Variants in CNOT4 observed in about 807,000 individuals in gnomAD.
The protein encoded by CNOT4 is CCR4-associated factor 4.
CNOT4 carries 8 observed loss-of-function variants against 73.8 expected under a neutral mutation model. That is an observed-to-expected ratio of 0.11 (90% CI 0.06 to 0.20). The LOEUF (loss-of-function observed/expected upper bound fraction) is 0.20, where lower values mean the gene tolerates loss of function less well. Among genes scored for constraint, CNOT4 ranks in the 10% least tolerant of loss-of-function variants. CNOT4 has a pLI of 1.00. For missense variants in CNOT4, 564 were observed against 883.4 expected, an observed-to-expected ratio of 0.64 and a Z score of 4.58; for synonymous variants, 293 against 321.1, an observed-to-expected ratio of 0.91 and a Z score of 0.94.
At chr7:135,387,096 T>TA (rs1796158500) in intron 10 of CNOT4, 1 of 984,312 alleles carries the variant, frequency 1.0e-6, no homozygotes, top group Admixed American at 6.2e-5. Context: ...CCTCTTACAG[T>TA]AAAAATGAAA....
At chr7:135,454,386 A>G (rs1478067821) in intron 1 of CNOT4, among the ~76,000 whole-genome samples, 1 of 151,344 alleles carries the variant, frequency 6.6e-6, no homozygotes, top group Non-Finnish European at 1.5e-5. Flanking sequence ...GGGCACAGCA[A>G]CTCATTCCTG....
At chr7:135,448,104 A>G (rs1393594609) in intron 1 of CNOT4, among the ~76,000 whole-genome samples, 1 of 152,234 alleles carries the variant, frequency 6.6e-6, no homozygotes, top group Non-Finnish European at 1.5e-5. Flanking sequence ...AATCACTGAA[A>G]CAGGGCAACA....
At chr7:135,443,919 C>G (rs769691187) in intron 1 of CNOT4, among the ~76,000 whole-genome samples, 1 of 152,006 alleles carries the variant, frequency 6.6e-6, no homozygotes, top group Non-Finnish European at 1.5e-5. Flanking sequence ...GAGGCTGAGG[C>G]AGGCAAATCG....
intron 1 of CNOT4, among the ~76,000 whole-genome samples, chr7:135,476,337 C>T (rs917842784): frequency 7.2e-5 from 11 of 152,132 alleles, no homozygotes; most frequent in African/African-American, 2.4e-4. Context: ...CACTGCCTTC[C>T]TATCATTATA....
intron 10 of CNOT4, among the ~76,000 whole-genome samples, chr7:135,372,392 G>C (rs552512116): frequency 6.6e-6 from 1 of 152,240 alleles, no homozygotes; most frequent in South Asian, 2.1e-4. Context: ...ACAGTGTATT[G>C]CAATCATTTG....
At chr7:135,442,650 T>G (rs1799556909) in intron 1 of CNOT4, among the ~76,000 whole-genome samples, 1 of 152,046 alleles carries the variant, frequency 6.6e-6, no homozygotes, top group South Asian at 2.1e-4. Context: ...AATAATAAGA[T>G]TTAAAATGTT....
intron 1 of CNOT4, among the ~76,000 whole-genome samples, chr7:135,467,981 C>T (rs1224034219): frequency 4.6e-5 from 7 of 151,880 alleles, no homozygotes; most frequent in South Asian, 2.1e-4. Flanking sequence ...TTTGGGAGCT[C>T]GAGACGGGCG....
chr7:135,387,022 G>A (rs1342169282), intron 10 of CNOT4: 1 of 929,402 alleles, frequency 1.1e-6, no homozygotes, highest in Non-Finnish European at 1.3e-6. Context: ...CAAGGAGCCA[G>A]AGTTTGTTAT....
rs193148384 is a variant in CNOT4 at position 135,484,097 on chromosome 7, A to G, written c.-93+25792T>C. 7.0e-4 allele frequency among the ~76,000 whole-genome samples: 107 copies of G among 152,296 alleles called. 1 individual carries two copies. Among genetic ancestry groups the G allele is most frequent in the Admixed American group, 6.7e-3 (103 of 15,286 alleles). On this transcript the variant is annotated intron_variant, in intron 1 of 11. Transcript: ENST00000541284. Reference sequence around the variant, plus strand: ...ATAGTACCAGTTACTCAAGAGGCTGAGGCAGAAGAATCACTTGACCCTGGG... The same window carrying G: ...ATAGTACCAGTTACTCAAGAGGCTGGGGCAGAAGAATCACTTGACCCTGGG...
intron 10 of CNOT4, among the ~76,000 whole-genome samples, chr7:135,379,064 G>A (rs1795689897): frequency 6.6e-6 from 1 of 151,698 alleles, no homozygotes; most frequent in African/African-American, 2.4e-5. Flanking sequence ...AAATCATATA[G>A]GTAGTGTACA....
intron 5 of CNOT4, among the ~76,000 whole-genome samples, chr7:135,413,881 T>C (rs929652781): frequency 1.1e-4 from 17 of 152,086 alleles, no homozygotes; most frequent in East Asian, 3.9e-4. Flanking sequence ...GGAGAGGAGA[T>C]AGACAAAAAA....
intron 1 of CNOT4, among the ~76,000 whole-genome samples, chr7:135,479,677 G>A (rs931598192): frequency 1.3e-5 from 2 of 151,934 alleles, no homozygotes; most frequent in Admixed American, 6.6e-5. Context: ...GCAGGAGGAT[G>A]GCTTGAGTTC....
intron 1 of CNOT4, among the ~76,000 whole-genome samples, chr7:135,495,690 AAAAGAAAGAAAG>A (rs796412528): frequency 0.095 from 3,637 of 38,432 alleles, 298 homozygotes; most frequent in East Asian, 0.13. Context: ...AAAAAAAAAA[AAAAGAAAGAAAG>A]AAAGAAAGAA....
chr7:135,495,016 T>C (rs1449114697), intron 1 of CNOT4, among the ~76,000 whole-genome samples: 2 of 152,242 alleles, frequency 1.3e-5, no homozygotes, highest in Non-Finnish European at 1.5e-5. Flanking sequence ...AATTACATCC[T>C]CACAATAGAT....
At chr7:135,441,036 T>C (rs942955145) in intron 1 of CNOT4, among the ~76,000 whole-genome samples, 32 of 152,230 alleles carry the variant, frequency 2.1e-4, no homozygotes, top group African/African-American at 7.0e-4. Flanking sequence ...ATTCTAGTTA[T>C]ACTTTTTAAA....
intron 1 of CNOT4, among the ~76,000 whole-genome samples, chr7:135,458,622 C>G (rs1800691917): frequency 6.6e-6 from 1 of 152,048 alleles, no homozygotes; most frequent in African/African-American, 2.4e-5. Context: ...TATTCTAAAT[C>G]CTTTGTTGTC....
chr7:135,438,305 T>G lies in CNOT4; in HGVS notation c.27A>C (p.Glu9Asp). 6.2e-7 allele frequency: 1 copy of G among 1,612,882 alleles called. No homozygotes were observed. Residue 9 changes from glutamate to aspartate, a missense_variant, in exon 2 of 12, where the codon GAA becomes GAC. Around this residue, in one of 10 missense-constraint regions of CNOT4, gnomAD observed 76 missense variants for 208.7 expected, o/e 0.36. Transcript: ENST00000541284. MSRSPDAK[E>D]DPVECPLCME... Reference sequence around the variant, plus strand: ...TGCAAAGAGGGCACTCCACAGGGTCTTCCTTCGCATCAGGACTGCGAGACA... The same window carrying G: ...TGCAAAGAGGGCACTCCACAGGGTCGTCCTTCGCATCAGGACTGCGAGACA...
At chr7:135,422,379 G>C (rs186255909) in intron 2 of CNOT4, 26 bp from the exon 3 acceptor site, 9 of 1,060,076 alleles carry the variant, frequency 8.5e-6, no homozygotes, top group Non-Finnish European at 1.3e-5. Context: ...AAACATAGAC[G>C]TTAGCATTAA....
intron 1 of CNOT4, among the ~76,000 whole-genome samples, chr7:135,472,166 C>T (rs1475875178): frequency 6.7e-6 from 1 of 149,140 alleles, no homozygotes; most frequent in Non-Finnish European, 1.5e-5. Flanking sequence ...GAGTAAGACC[C>T]TATCTCAAAA....
Sources: gnomAD v4.1 joint callset for allele counts (sites outside exome capture counted in the v4.1 genomes callset) on GRCh38, gnomAD v4.1.1 for gene constraint, gnomAD v4.1.1 regional missense constraint, MANE v1.5 for transcripts, NCBI Gene and HGNC (gene_info 2026-07-23, HGNC 2026-07-21) for gene names.